RHBDD1: variants seen among roughly 807,000 people sequenced by gnomAD.
The protein encoded by RHBDD1 is rhomboid domain containing 1.
Under a neutral mutation model 36.3 loss-of-function variants are expected in RHBDD1, and 38 were observed. The ratio of observed to expected loss-of-function variants is 1.05; its 90% confidence interval spans 0.81 to 1.37. RHBDD1 has a LOEUF of 1.37. RHBDD1 is among the 40% of genes most tolerant of loss of function. RHBDD1 has a pLI of 0.00. For synonymous variants in RHBDD1, 151 were observed against 136.5 expected, an observed-to-expected ratio of 1.11 and a Z score of -0.74; for missense variants, 393 against 377.6, an observed-to-expected ratio of 1.04 and a Z score of -0.34.
chr2:226,825,629 T>C, the RHBDD1 span, among the ~76,000 whole-genome samples: 2 of 152,164 alleles, frequency 1.3e-5, no homozygotes, highest in Non-Finnish European at 2.9e-5. Flanking sequence ...AGATAGTTAA[T>C]AAAACAATGG....
chr2:226,878,767 C>A (rs1449253525), intron 5 of RHBDD1, among the ~76,000 whole-genome samples: 1 of 152,178 alleles, frequency 6.6e-6, no homozygotes, highest in Non-Finnish European at 1.5e-5. Flanking sequence ...GAAAACGTTT[C>A]TTTGGTCCCA....
chr2:226,802,031 C>T, the RHBDD1 span, among the ~76,000 whole-genome samples: 1 of 151,766 alleles, frequency 6.6e-6, no homozygotes, highest in African/African-American at 2.4e-5. Flanking sequence ...CCCCCCACCC[C>T]CCAAAAAAAG....
intron 8 of RHBDD1, among the ~76,000 whole-genome samples, chr2:226,945,494 CTTTTTTA>C: frequency 6.6e-6 from 1 of 152,038 alleles, no homozygotes; most frequent in Non-Finnish European, 1.5e-5. Flanking sequence ...TGAACTCATC[CTTTTTTA>C]TGGCTACATA....
At chr2:226,866,705 T>A (rs1944377691) in intron 4 of RHBDD1, among the ~76,000 whole-genome samples, 1 of 152,216 alleles carries the variant, frequency 6.6e-6, no homozygotes, top group Non-Finnish European at 1.5e-5. Context: ...AATCTAATCC[T>A]TCCTTCTGCT....
intron 5 of RHBDD1, among the ~76,000 whole-genome samples, chr2:226,904,417 G>T (rs554632429): frequency 4.7e-5 from 7 of 148,462 alleles, no homozygotes; most frequent in East Asian, 2.0e-4. Flanking sequence ...CTGCAAGCGG[G>T]GGGGGAGGGG....
Position 226,875,101 on chromosome 2 carries a change from T to C in RHBDD1, c.566+7783T>C, listed in dbSNP as rs148122253. On this transcript the variant is annotated intron_variant, in intron 5 of 8. Transcript: ENST00000392062. ...TAATCTGTGTTTTTCACTTTCTTTC[T>C]AGGCTATGAGCTTCTTTAGGGGCTG... is the stretch of plus-strand genomic sequence containing the variant. Among the ~76,000 whole-genome samples, 21 of 152,346 alleles carry C rather than the reference T, an allele frequency of 1.4e-4. No homozygotes were observed. In the East Asian group the frequency reaches 4.0e-3, roughly 29 times the overall value.
intron 3 of RHBDD1, among the ~76,000 whole-genome samples, chr2:226,854,208 T>C (rs1490257109): frequency 6.6e-6 from 1 of 152,186 alleles, no homozygotes; most frequent in African/African-American, 2.4e-5. Context: ...GTTTTACCTA[T>C]ATTACTCATC....
intron 5 of RHBDD1, among the ~76,000 whole-genome samples, chr2:226,906,056 A>G (rs945818886): frequency 1.3e-5 from 2 of 152,200 alleles, no homozygotes; most frequent in African/African-American, 4.8e-5. Flanking sequence ...TCATTCAGCC[A>G]GGGAACTCCA....
the RHBDD1 span, among the ~76,000 whole-genome samples, chr2:226,813,783 T>C: frequency 5.3e-5 from 8 of 152,210 alleles, no homozygotes; most frequent in African/African-American, 1.7e-4. Flanking sequence ...TGTCCTCAAC[T>C]ATGTATTTTA....
intron 8 of RHBDD1, among the ~76,000 whole-genome samples, chr2:226,947,901 A>G (rs1314146473): frequency 1.3e-5 from 2 of 152,248 alleles, no homozygotes; most frequent in Admixed American, 6.5e-5. Flanking sequence ...GGCAATCATT[A>G]CAAAGTCAGG....
chr2:226,871,331 A>T (rs1574891897), intron 5 of RHBDD1, among the ~76,000 whole-genome samples: 1 of 152,182 alleles, frequency 6.6e-6, no homozygotes, highest in Non-Finnish European at 1.5e-5. Flanking sequence ...ACCCCTAAAA[A>T]CTTCAGCAGG....
intron 8 of RHBDD1, among the ~76,000 whole-genome samples, chr2:226,925,733 A>T (rs2125806434): frequency 6.6e-6 from 1 of 152,344 alleles, no homozygotes; most frequent in South Asian, 2.1e-4. Flanking sequence ...TTTCCTTGAA[A>T]CTAGTTTCGT....
chr2:226,819,858 C>T, the RHBDD1 span, among the ~76,000 whole-genome samples: 3 of 152,088 alleles, frequency 2.0e-5, no homozygotes, highest in East Asian at 5.8e-4. Flanking sequence ...CCTTTCCCCT[C>T]ATTACTTTCA....
intron 8 of RHBDD1, among the ~76,000 whole-genome samples, chr2:226,920,100 T>TTAAA (rs535492553): frequency 1.1e-3 from 165 of 151,858 alleles, no homozygotes; most frequent in East Asian, 9.1e-3. Context: ...ATATTTGTAT[T>TTAAA]TAAATAAATA....
At chr2:226,851,482 G>A (rs1942802798) in intron 3 of RHBDD1, among the ~76,000 whole-genome samples, 1 of 152,064 alleles carries the variant, frequency 6.6e-6, no homozygotes, top group Non-Finnish European at 1.5e-5. Context: ...ATTAGGATGG[G>A]CAGAATCAGG....
At chr2:226,883,789 T>A (rs1192532759) in intron 5 of RHBDD1, among the ~76,000 whole-genome samples, 3 of 152,212 alleles carry the variant, frequency 2.0e-5, no homozygotes, top group Admixed American at 2.0e-4. Context: ...GCCTATGTCA[T>A]GGGTCAGTAG....
At chr2:226,910,658 A>T (rs895690747) in intron 7 of RHBDD1, among the ~76,000 whole-genome samples, 1 of 151,996 alleles carries the variant, frequency 6.6e-6, no homozygotes, top group African/African-American at 2.4e-5. Flanking sequence ...ACAGAGCCTA[A>T]GTATATAACT....
intron 3 of RHBDD1, among the ~76,000 whole-genome samples, chr2:226,860,731 G>T (rs1943778107): frequency 6.6e-6 from 1 of 152,172 alleles, no homozygotes; most frequent in South Asian, 2.1e-4. Context: ...CAAAACGTAT[G>T]TTCTACCTAC....
chr2:226,882,573 C>CT (rs1243774153), intron 5 of RHBDD1, among the ~76,000 whole-genome samples: 1 of 150,500 alleles, frequency 6.6e-6, no homozygotes, highest in African/African-American at 2.5e-5. Context: ...TTAAACTGGA[C>CT]TTAGATTGGC....
Sources: allele counts gnomAD v4.1 joint callset (sites outside exome capture counted in the v4.1 genomes callset), GRCh38; gene constraint gnomAD v4.1.1; transcripts MANE v1.5; gene names NCBI Gene and HGNC (gene_info 2026-07-23, HGNC 2026-07-21).